The following ROBO2 variants were observed in gnomAD, a reference collection of about 807,000 sequenced individuals.
ROBO2 encodes the protein roundabout guidance receptor 2, also known as roundabout homolog 2.
ROBO2 carries 53 observed loss-of-function variants against 160.8 expected under a neutral mutation model. The ratio of observed to expected loss-of-function variants is 0.33; its 90% CI spans 0.26 to 0.41. The LOEUF is 0.41. Ranked by LOEUF, ROBO2 falls within the 10% of genes least tolerant of loss-of-function variation. The pLI, the probability that ROBO2 is intolerant of heterozygous loss-of-function variation, is 1.00. For missense variants in ROBO2, 1,577 were observed against 1,722.4 expected (o/e 0.92, Z 1.49); for synonymous variants, 664 against 611.7 (o/e 1.09, Z -1.26).
chr3:76,060,456 A>T (rs574148348), intron 2 of ROBO2, among the ~76,000 whole-genome samples: 28 of 152,208 alleles, frequency 1.8e-4, no homozygotes, highest in Non-Finnish European at 4.0e-4. Context: ...GGTTTATAAA[A>T]TTATACTAGA....
chr3:75,927,421 C>T (rs967949088), intron 1 of ROBO2, among the ~76,000 whole-genome samples: 1 of 152,038 alleles, frequency 6.6e-6, no homozygotes, highest in Non-Finnish European at 1.5e-5. Flanking sequence ...TTCAATGTAC[C>T]ACTTAAGATA....
intron 2 of ROBO2, among the ~76,000 whole-genome samples, chr3:75,945,485 T>TG (rs1948247672): frequency 6.6e-6 from 1 of 152,030 alleles, no homozygotes; most frequent in Admixed American, 6.6e-5. Flanking sequence ...TGGTTTGAAG[T>TG]GAGGTGGAAA....
At chr3:76,793,797 T>C (rs2063517776) in intron 2 of ROBO2, among the ~76,000 whole-genome samples, 1 of 151,884 alleles carries the variant, frequency 6.6e-6, no homozygotes, top group Admixed American at 6.6e-5. Context: ...CCCTCACCTC[T>C]TATTCTCTCC....
At chr3:76,743,068 G>A (rs1344080086) in intron 2 of ROBO2, among the ~76,000 whole-genome samples, 1 of 152,084 alleles carries the variant, frequency 6.6e-6, no homozygotes, top group Non-Finnish European at 1.5e-5. Context: ...GCGGCCTACA[G>A]CAATTGAGGC....
intron 2 of ROBO2, among the ~76,000 whole-genome samples, chr3:77,020,037 A>G (rs1019666428): frequency 6.6e-6 from 1 of 152,210 alleles, no homozygotes; most frequent in Non-Finnish European, 1.5e-5. Flanking sequence ...CAGAGCACAT[A>G]CAGAGCCCAA....
At chr3:76,596,092 T>A (rs1038909544) in intron 2 of ROBO2, among the ~76,000 whole-genome samples, 2 of 152,058 alleles carry the variant, frequency 1.3e-5, no homozygotes, top group East Asian at 1.9e-4. Context: ...TTTCAAGATT[T>A]AAAAAAAGAA....
chr3:77,173,274 AAAG>A (rs1249269229), intron 2 of ROBO2, among the ~76,000 whole-genome samples: 1 of 152,304 alleles, frequency 6.6e-6, no homozygotes, highest in East Asian at 1.9e-4. Flanking sequence ...TGATTTGAAA[AAAG>A]AGACACTGTC....
Position 76,938,364 on chromosome 3 carries a change from C to A in ROBO2, c.110-159650C>A, listed in dbSNP as rs935317695. Among the ~76,000 whole-genome samples the A allele has an allele frequency of 6.0e-5, 9 of 150,172 alleles. 1 individual carries two copies. Among genetic ancestry groups the A allele is most frequent in the Admixed American group, 2.0e-4 (3 of 15,196 alleles). On this transcript the variant is annotated intron_variant, in intron 2 of 26. Transcript: ENST00000487694. Reference sequence around the variant, plus strand: ...CAAGACTCCGTCCCCCACCTACCCCCCCCAAAAAAGGCTGCATATTGTCCC... The same window carrying A: ...CAAGACTCCGTCCCCCACCTACCCCACCCAAAAAAGGCTGCATATTGTCCC...
At chr3:76,020,324 A>C (rs1415242704) in intron 2 of ROBO2, among the ~76,000 whole-genome samples, 1 of 151,810 alleles carries the variant, frequency 6.6e-6, no homozygotes, top group Non-Finnish European at 1.5e-5. Flanking sequence ...TATTGAATTT[A>C]ACCTTTAACT....
intron 2 of ROBO2, among the ~76,000 whole-genome samples, chr3:76,484,031 T>A (rs573518090): frequency 1.3e-5 from 2 of 152,318 alleles, no homozygotes; most frequent in African/African-American, 4.8e-5. Flanking sequence ...AACGTACACA[T>A]GCATGTGTCT....
chr3:76,457,560 G>A (rs542147401), intron 2 of ROBO2, among the ~76,000 whole-genome samples: 1 of 152,112 alleles, frequency 6.6e-6, no homozygotes, highest in Non-Finnish European at 1.5e-5. Context: ...CGGTGGATCT[G>A]CCATTCTGAG....
chr3:77,198,741 A>G (rs1352253939), intron 2 of ROBO2, among the ~76,000 whole-genome samples: 1 of 152,160 alleles, frequency 6.6e-6, no homozygotes, highest in Non-Finnish European at 1.5e-5. Context: ...TCTCTATTAA[A>G]GATACAAAAA....
chr3:76,256,345 C>CA (rs879733254), intron 2 of ROBO2, among the ~76,000 whole-genome samples: 6,229 of 98,134 alleles, frequency 0.063, 228 homozygotes, highest in Non-Finnish European at 0.11. Flanking sequence ...CTCTCTCTCT[C>CA]TCTCTCTCAC....
chr3:76,634,435 G>A (rs1426447601), intron 2 of ROBO2, among the ~76,000 whole-genome samples: 1 of 152,142 alleles, frequency 6.6e-6, no homozygotes, highest in Non-Finnish European at 1.5e-5. Context: ...AGGTGTGGTG[G>A]CGTGTACCTG....
intron 2 of ROBO2, among the ~76,000 whole-genome samples, chr3:77,459,768 TAG>T (rs1182352812): frequency 6.6e-6 from 1 of 151,708 alleles, no homozygotes; most frequent in Non-Finnish European, 1.5e-5. Context: ...CTAAATAATG[TAG>T]AAACAAGACC....
intron 2 of ROBO2, among the ~76,000 whole-genome samples, chr3:77,262,854 T>C (rs1245862366): frequency 6.6e-6 from 1 of 152,112 alleles, no homozygotes; most frequent in Non-Finnish European, 1.5e-5. Context: ...ATGGCGATGA[T>C]GGTGATGATG....
intron 2 of ROBO2, among the ~76,000 whole-genome samples, chr3:75,938,377 G>T (rs1947892822): frequency 6.6e-6 from 1 of 151,948 alleles, no homozygotes; most frequent in African/African-American, 2.4e-5. Flanking sequence ...ATTTTTGGAG[G>T]TGTGTTGCCT....
At chr3:75,945,699 T>C (rs1576251537) in intron 2 of ROBO2, among the ~76,000 whole-genome samples, 1 of 152,144 alleles carries the variant, frequency 6.6e-6, no homozygotes, top group African/African-American at 2.4e-5. Context: ...ATCTCATTTT[T>C]AATTAATTTG....
intron 2 of ROBO2, among the ~76,000 whole-genome samples, chr3:76,889,982 G>C (rs942848924): frequency 1.3e-5 from 2 of 152,114 alleles, no homozygotes; most frequent in Non-Finnish European, 1.5e-5. Context: ...AGCGATGTAG[G>C]AGTAGAGAGG....
Sources: allele counts gnomAD v4.1 joint callset (sites outside exome capture counted in the v4.1 genomes callset), GRCh38; gene constraint gnomAD v4.1.1; transcripts MANE v1.5; gene names NCBI Gene and HGNC (gene_info 2026-07-23, HGNC 2026-07-21).